Variants in CAMKMT observed in about 807,000 individuals in gnomAD.
The protein encoded by CAMKMT is CaM KMT.
CAMKMT carries 53 observed loss-of-function variants against 48.0 expected under a neutral mutation model. The ratio of observed to expected loss-of-function variants is 1.10; its 90% confidence interval spans 0.89 to 1.39. The LOEUF (loss-of-function observed/expected upper bound fraction) is 1.39, where lower values mean the gene tolerates loss of function less well. CAMKMT is among the 40% of genes most tolerant of loss of function. The pLI, the probability that CAMKMT is intolerant of heterozygous loss-of-function variation, is 0.00. For missense variants in CAMKMT, 428 were observed against 402.7 expected (o/e 1.06, Z -0.54); for synonymous variants, 165 against 152.3 (o/e 1.08, Z -0.61).
rs542684157 is a variant in CAMKMT, at chr2:44,629,333, C to G, written c.377-74950C>G. 4.6e-5 allele frequency among the ~76,000 whole-genome samples: 7 copies of G among 152,138 alleles called. No individual in the cohort carries two copies. In the South Asian group the frequency reaches 1.5e-3, roughly 32 times the overall value. ...TCCGCTGTGTCTGATATCAATACAG[C>G]TACACTAACCTCATGATTAGTGTGC... On this transcript the variant is annotated intron_variant, in intron 3 of 10. Transcript: ENST00000378494.
At chr2:44,689,264 TTTTATTTATTTATTTA>T (rs148599125) in intron 3 of CAMKMT, among the ~76,000 whole-genome samples, 163 of 136,254 alleles carry the variant, frequency 1.2e-3, no homozygotes, top group Non-Finnish European at 1.9e-3. Context: ...CAGCACTATT[TTTTATTTATTTATTTA>T]TTTATTTATT....
intron 6 of CAMKMT, among the ~76,000 whole-genome samples, chr2:44,713,655 A>AG (rs1021205712): frequency 6.6e-6 from 1 of 152,138 alleles, no homozygotes; most frequent in African/African-American, 2.4e-5. Flanking sequence ...GGAAAAAAAA[A>AG]GTCTGCATTA....
chr2:44,580,809 G>C (rs892741413), intron 3 of CAMKMT, among the ~76,000 whole-genome samples: 14 of 152,106 alleles, frequency 9.2e-5, no homozygotes, highest in African/African-American at 3.4e-4. Flanking sequence ...GTCATGAAGC[G>C]CTTATTTGCT....
chr2:44,589,883 T>TAAAAAAAAAAAAAA (rs1218817837), intron 3 of CAMKMT, among the ~76,000 whole-genome samples: 10 of 23,216 alleles, frequency 4.3e-4, no homozygotes, highest in South Asian at 1.7e-3. Flanking sequence ...GAATGATCAA[T>TAAAAAAAAAAAAAA]AAAAAAAAAA....
At chr2:44,534,833 CAA>C (rs70937921) in intron 3 of CAMKMT, among the ~76,000 whole-genome samples, 70,765 of 151,664 alleles carry the variant, frequency 0.47, 18,280 homozygotes, top group Non-Finnish European at 0.59. Context: ...AAAGCAAGAA[CAA>C]ACCGAACCTA....
intron 1 of CAMKMT, among the ~76,000 whole-genome samples, chr2:44,365,464 G>C (rs1678491196): frequency 6.6e-6 from 1 of 152,194 alleles, no homozygotes; most frequent in Admixed American, 6.5e-5. Flanking sequence ...ATCAGTAGAG[G>C]TTATGGATGT....
chr2:44,611,592 A>C (rs900747428), intron 3 of CAMKMT, among the ~76,000 whole-genome samples: 3 of 152,112 alleles, frequency 2.0e-5, no homozygotes, highest in Non-Finnish European at 4.4e-5. Flanking sequence ...ACACCCACAA[A>C]AGGGAGTTTA....
At chr2:44,761,147 A>G (rs948498767) in intron 9 of CAMKMT, among the ~76,000 whole-genome samples, 1 of 152,220 alleles carries the variant, frequency 6.6e-6, no homozygotes, top group African/African-American at 2.4e-5. Flanking sequence ...AGGCCAGAGA[A>G]GTCAGCAAAG....
intron 3 of CAMKMT, among the ~76,000 whole-genome samples, chr2:44,595,075 A>G (rs1016715971): frequency 2.6e-5 from 4 of 152,224 alleles, no homozygotes; most frequent in Non-Finnish European, 5.9e-5. Context: ...TGTTCATTAG[A>G]GAAATGCAAA....
At chr2:44,446,899 C>G (rs1667032567) in intron 3 of CAMKMT, among the ~76,000 whole-genome samples, 1 of 152,210 alleles carries the variant, frequency 6.6e-6, no homozygotes, top group Non-Finnish European at 1.5e-5. Flanking sequence ...TGTACATACA[C>G]ATGTTATGAT....
chr2:44,438,564 A>T (rs1473701971), intron 3 of CAMKMT, among the ~76,000 whole-genome samples: 3 of 152,220 alleles, frequency 2.0e-5, no homozygotes, highest in Non-Finnish European at 4.4e-5. Flanking sequence ...CTAGTCTGTG[A>T]CGTAAAGTTA....
chr2:44,772,032 T>G lies in CAMKMT; in HGVS notation c.895-4T>G, dbSNP rs1481833895. On this transcript the variant is annotated splice_polypyrimidine_tract_variant and splice_region_variant and intron_variant, in intron 10 of 10. Transcript: ENST00000378494. ...TACCTTTTTCTTTCTATTATTGTTTTCAGTTGAAAAAGGAAAACCCGGACA... is the reference window on the plus strand; with the variant it reads ...TACCTTTTTCTTTCTATTATTGTTTGCAGTTGAAAAAGGAAAACCCGGACA... 6.2e-7 allele frequency: 1 copy of G among 1,608,284 alleles called. No individual in the cohort carries two copies. Among genetic ancestry groups the G allele is most frequent in the Non-Finnish European group, 8.5e-7 (1 of 1,175,730 alleles).
At chr2:44,517,039 G>A (rs956601844) in intron 3 of CAMKMT, among the ~76,000 whole-genome samples, 1 of 152,054 alleles carries the variant, frequency 6.6e-6, no homozygotes, top group East Asian at 1.9e-4. Context: ...ACCCTGCCCG[G>A]CCTTGTGGTT....
At chr2:44,715,919 A>G (rs1488247603) in intron 7 of CAMKMT, among the ~76,000 whole-genome samples, 1 of 152,148 alleles carries the variant, frequency 6.6e-6, no homozygotes, top group African/African-American at 2.4e-5. Context: ...TCATGATTTT[A>G]AAATAGTCTA....
At chr2:44,682,149 C>T (rs957122179) in intron 3 of CAMKMT, among the ~76,000 whole-genome samples, 48 of 152,174 alleles carry the variant, frequency 3.2e-4, no homozygotes, top group African/African-American at 1.1e-3. Context: ...AGAGATCTAA[C>T]TGTAATGTAT....
intron 3 of CAMKMT, among the ~76,000 whole-genome samples, chr2:44,401,893 T>A (rs1031641715): frequency 6.6e-6 from 1 of 152,208 alleles, no homozygotes; most frequent in Non-Finnish European, 1.5e-5. Flanking sequence ...TCATTTCTTT[T>A]GTTTTGTATC....
At chr2:44,488,098 A>G (rs962940321) in intron 3 of CAMKMT, among the ~76,000 whole-genome samples, 3 of 152,262 alleles carry the variant, frequency 2.0e-5, no homozygotes, top group African/African-American at 4.8e-5. Context: ...GGCATGAAGT[A>G]TGTGTCTCAT....
At chr2:44,762,151 T>G (rs1680646414) in intron 9 of CAMKMT, among the ~76,000 whole-genome samples, 1 of 152,004 alleles carries the variant, frequency 6.6e-6, no homozygotes, top group African/African-American at 2.4e-5. Flanking sequence ...CTGAGAGAGA[T>G]GCCAGGAGAG....
intron 3 of CAMKMT, among the ~76,000 whole-genome samples, chr2:44,488,558 C>T (rs1020581719): frequency 2.0e-5 from 3 of 151,630 alleles, no homozygotes; most frequent in African/African-American, 7.3e-5. Flanking sequence ...AGAAATTAGC[C>T]AGGCATGGTG....
Sources: gnomAD v4.1 joint callset for allele counts (sites outside exome capture counted in the v4.1 genomes callset) on GRCh38, gnomAD v4.1.1 for gene constraint, MANE v1.5 for transcripts, NCBI Gene and HGNC (gene_info 2026-07-23, HGNC 2026-07-21) for gene names.